The following PNOC variants were observed in gnomAD, a reference collection of about 807,000 sequenced individuals.
PNOC encodes the protein prepronociceptin.
Under a neutral mutation model 15.6 loss-of-function variants are expected in PNOC, and 10 were observed. The observed-to-expected ratio is 0.64, with a 90% CI of 0.40 to 1.09. PNOC has a LOEUF of 1.09. Ranked by LOEUF, PNOC falls within the 50% of genes least tolerant of loss-of-function variation. The probability of loss-of-function intolerance (pLI) is 0.01; values close to 1 mark genes in which losing one functional copy is unlikely to be tolerated. For missense variants in PNOC, 220 were observed against 223.9 expected (o/e 0.98, Z 0.11); for synonymous variants, 98 against 88.5 (o/e 1.11, Z -0.60).
chr8:28,328,117 G>A (rs1801257280), intron 1 of PNOC, among the ~76,000 whole-genome samples: 2 of 136,234 alleles, frequency 1.5e-5, no homozygotes, highest in African/African-American at 5.5e-5. Context: ...AACCAGGCTG[G>A]TGTGCAATGG....
At chr8:28,331,539 A>C in intron 2 of PNOC, among the ~76,000 whole-genome samples, 2 of 151,646 alleles carry the variant, frequency 1.3e-5, no homozygotes, top group African/African-American at 2.4e-5. Context: ...GCTGCAGAAA[A>C]CTCCTAGAGG....
chr8:28,336,671 G>T (rs559209627), intron 2 of PNOC, among the ~76,000 whole-genome samples: 2 of 152,248 alleles, frequency 1.3e-5, no homozygotes, highest in South Asian at 4.1e-4. Flanking sequence ...TAAACAATTA[G>T]ACAGCTGTGA....
chr8:28,339,515 G>A (rs1801478728), intron 3 of PNOC, 24 bp downstream of exon 3: 3 of 1,468,846 alleles, frequency 2.0e-6, no homozygotes, highest in Non-Finnish European at 2.7e-6. Flanking sequence ...CAATAAGCTG[G>A]GGGCAAGGAG....
chr8:28,341,360 T>G (rs1585843861), intron 3 of PNOC, among the ~76,000 whole-genome samples: 1 of 152,250 alleles, frequency 6.6e-6, no homozygotes, highest in East Asian at 1.9e-4. Context: ...TCATACTCAC[T>G]CTTGGATCCT....
chr8:28,330,391 A>T (rs1333245862), intron 2 of PNOC, among the ~76,000 whole-genome samples: 910 of 75,988 alleles, frequency 0.012, 11 homozygotes, highest in Middle Eastern at 0.033. Context: ...ATTTTATTTT[A>T]TTTTATTTTT....
At position 28,339,208 on chromosome 8, in the gene PNOC, C is replaced by T; in HGVS notation, c.295C>T (p.Pro99Ser). Residue 99 changes from proline (P) to serine (S), a missense_variant, in exon 3 of 4, where the codon CCC (proline) becomes TCC (serine). Transcript: ENST00000301908. Reference sequence around the variant, plus strand: ...GGAGATGCAGCATCTGCGGCGAATGCCCCGAGTCCGGAGCTTGTTCCAGGA... The same window carrying T: ...GGAGATGCAGCATCTGCGGCGAATGTCCCGAGTCCGGAGCTTGTTCCAGGA... ...ASEMQHLRRM[P>S]RVRSLFQEQE... The T allele has an allele frequency of 6.2e-7, 1 of 1,613,046 alleles. No individual in the cohort carries two copies. Among genetic ancestry groups the T allele is most frequent in the Non-Finnish European group, 8.5e-7 (1 of 1,179,074 alleles).
intron 2 of PNOC, among the ~76,000 whole-genome samples, chr8:28,330,400 T>TATTTTATTTTTTTTTTTTTTTTA (rs1431540071): frequency 6.2e-4 from 63 of 102,240 alleles, no homozygotes; most frequent in Non-Finnish European, 1.1e-3. Flanking sequence ...TATTTTATTT[T>TATTTTATTTTTTTTTTTTTTTTA]TTTTTTTTTT....
chr8:28,320,661 T>C (rs952657420), intron 1 of PNOC, among the ~76,000 whole-genome samples: 1 of 151,846 alleles, frequency 6.6e-6, no homozygotes, highest in African/African-American at 2.4e-5. Flanking sequence ...CCATCCCGGC[T>C]AACACGGTGA....
chr8:28,342,348 C>G (rs1395081467), intron 3 of PNOC, among the ~76,000 whole-genome samples: 1 of 105,566 alleles, frequency 9.5e-6, no homozygotes, highest in Non-Finnish European at 2.0e-5. Flanking sequence ...GAAAGAAACC[C>G]CATCTCAAAA....
intron 1 of PNOC, among the ~76,000 whole-genome samples, chr8:28,325,259 G>T (rs1801206266): frequency 6.7e-6 from 1 of 150,196 alleles, no homozygotes. Context: ...AGACCAGGGG[G>T]TGGACATGGC....
At chr8:28,324,967 AC>A (rs1801201911) in intron 1 of PNOC, among the ~76,000 whole-genome samples, 1 of 152,202 alleles carries the variant, frequency 6.6e-6, no homozygotes, top group Non-Finnish European at 1.5e-5. Context: ...TTAATTGCTT[AC>A]AAACGTTAAC....
At position 28,339,218 on chromosome 8, in the gene PNOC, G is replaced by A. The variant is rs151278852; in HGVS notation, c.305G>A (p.Arg102Gln). 1.3e-5 allele frequency: 21 copies of A among 1,612,368 alleles called. No individual in the cohort carries two copies. The African/African-American group carries it at 2.7e-4, about 21-fold the overall frequency. Residue 102 changes from arginine (R) to glutamine (Q), a missense_variant, in exon 3 of 4, where the codon CGG becomes CAG. Physicochemically the swap from Arg to Gln is conservative, Grantham distance 43. Transcript: ENST00000301908. ...MQHLRRMPRV[R>Q]SLFQEQEEPE... ...CATCTGCGGCGAATGCCCCGAGTCC[G>A]GAGCTTGTTCCAGGAGCAGGAAGAG...
chr8:28,322,439 G>T (rs1366557514), intron 1 of PNOC, among the ~76,000 whole-genome samples: 5 of 152,122 alleles, frequency 3.3e-5, no homozygotes, highest in Admixed American at 3.3e-4. Flanking sequence ...TCATCAGACA[G>T]GGAGTACAGA....
At chr8:28,328,405 C>T (rs967983997) in intron 1 of PNOC, among the ~76,000 whole-genome samples, 3 of 151,946 alleles carry the variant, frequency 2.0e-5, no homozygotes, top group African/African-American at 2.4e-5. Context: ...AATATCATCA[C>T]GTTGGAGGTT....
At chr8:28,338,976 C>T in intron 2 of PNOC, 64 bp from the exon 3 acceptor site, 1 of 1,408,708 alleles carries the variant, frequency 7.1e-7, no homozygotes, top group South Asian at 1.4e-5. Context: ...CAGATCTCCT[C>T]CCTCGCCCTG....
chr8:28,329,824 G>A (rs1225184290), intron 2 of PNOC, among the ~76,000 whole-genome samples: 1 of 151,812 alleles, frequency 6.6e-6, no homozygotes, highest in African/African-American at 2.4e-5. Context: ...TACAAATAAA[G>A]CAATACAGCA....
At chr8:28,323,351 G>A (rs140231650) in intron 1 of PNOC, among the ~76,000 whole-genome samples, 1,786 of 152,276 alleles carry the variant, frequency 0.012, 15 homozygotes, top group South Asian at 0.022. Flanking sequence ...CTTGGCTCAC[G>A]AAGTGAAATA....
intron 2 of PNOC, among the ~76,000 whole-genome samples, chr8:28,335,676 C>T (rs1211362379): frequency 2.0e-5 from 3 of 152,014 alleles, no homozygotes; most frequent in African/African-American, 7.2e-5. Flanking sequence ...TACAGGCATG[C>T]ACCACCACGC....
rs1296968691 is a variant in PNOC at position 28,339,159 on chromosome 8, T to G, written c.246T>G (p.Ala82=). The change falls in exon 3 of 4, where the codon GCT becomes GCG. Residue 82 remains alanine (A), a synonymous_variant. Coordinates refer to ENST00000301908, the MANE Select transcript of PNOC (RefSeq NM_006228.5). ...LSPAAPEHVA[A]ALYQPRASEM... Reference sequence around the variant, plus strand: ...CTGCCGCCCCAGAGCATGTGGCGGCTGCTCTCTACCAGCCGAGAGCTTCGG... The same window carrying G: ...CTGCCGCCCCAGAGCATGTGGCGGCGGCTCTCTACCAGCCGAGAGCTTCGG... The G allele has an allele frequency of 1.2e-6, 2 of 1,613,456 alleles. No homozygotes were observed. The highest frequency in any genetic ancestry group is 2.7e-5 in the African/African-American group (2 of 74,914).
Sources: allele counts gnomAD v4.1 joint callset (sites outside exome capture counted in the v4.1 genomes callset), GRCh38; gene constraint gnomAD v4.1.1; transcripts MANE v1.5; gene names NCBI Gene and HGNC (gene_info 2026-07-23, HGNC 2026-07-21).